C7orf57: variants seen among roughly 807,000 people sequenced by gnomAD.
The protein encoded by C7orf57 is chromosome 7 open reading frame 57.
C7orf57 carries 33 observed loss-of-function variants against 39.0 expected under a neutral mutation model. The ratio of observed to expected loss-of-function variants is 0.85; its 90% CI spans 0.64 to 1.13. The LOEUF is 1.13. C7orf57 is among the 50% of genes most tolerant of loss of function. The pLI, the probability that C7orf57 is intolerant of heterozygous loss-of-function variation, is 0.00. For synonymous variants in C7orf57, 124 were observed against 137.1 expected, an observed-to-expected ratio of 0.90 and a Z score of 0.67; for missense variants, 346 against 362.3, an observed-to-expected ratio of 0.95 and a Z score of 0.37.
chr7:48,036,216 CCTGGCAA>C lies in C7orf57; in HGVS notation c.-88_-82del. The C allele has an allele frequency of 2.9e-6, 4 of 1,395,200 alleles. No individual in the cohort carries two copies. The South Asian group carries it at 4.9e-5, about 17-fold the overall frequency. 86.4% of individuals were successfully genotyped at this position (1,395,200 alleles called of 1,614,324 possible). On this transcript the variant is annotated 5_prime_UTR_variant, in exon 2 of 9. Coordinates refer to ENST00000348904, the MANE Select transcript of C7orf57 (RefSeq NM_001100159.3). The stretch of plus-strand genomic sequence containing the variant: ...GGATTTTGCTTTTGCAGCTGCAGCT[CCTGGCAA>C]CTGGTCAAGCAGGCAGCGTCCAGCG...
intron 6 of C7orf57, among the ~76,000 whole-genome samples, chr7:48,051,832 T>TC (rs1790932549): frequency 1.7e-5 from 1 of 59,856 alleles, no homozygotes; most frequent in African/African-American, 7.9e-5. Context: ...TCTTTCTTTC[T>TC]TTCTTTCTTT....
chr7:48,051,768 TTC>T (rs1491100419), intron 6 of C7orf57, among the ~76,000 whole-genome samples: 7 of 82,580 alleles, frequency 8.5e-5, no homozygotes, highest in African/African-American at 1.9e-4. Flanking sequence ...CTTTCTTTCT[TTC>T]TTTCTTTCTT....
chr7:48,043,698 T>C (rs1790621932), intron 4 of C7orf57, 109 bp downstream of exon 4: 1 of 850,834 alleles, frequency 1.2e-6, no homozygotes. Context: ...GCATGTGATA[T>C]GACAACTTCA....
intron 8 of C7orf57, among the ~76,000 whole-genome samples, chr7:48,059,008 C>T (rs1442926851): frequency 6.6e-6 from 1 of 152,176 alleles, no homozygotes; most frequent in East Asian, 1.9e-4. Context: ...CCCCTAAGAG[C>T]TGGAAGAATC....
At chr7:48,044,195 T>C (rs1411477941) in intron 4 of C7orf57, among the ~76,000 whole-genome samples, 1 of 152,010 alleles carries the variant, frequency 6.6e-6, no homozygotes, top group Non-Finnish European at 1.5e-5. Flanking sequence ...CTCTGCCGGA[T>C]CCGGAGAGGT....
intron 6 of C7orf57, among the ~76,000 whole-genome samples, chr7:48,051,809 T>TCCTTTTCTC (rs1554299741): frequency 2.4e-5 from 2 of 83,732 alleles, no homozygotes; most frequent in African/African-American, 1.0e-4. Flanking sequence ...CTTCCTTCCT[T>TCCTTTTCTC]TTCTCTTCTC....
intron 4 of C7orf57, among the ~76,000 whole-genome samples, chr7:48,044,641 C>G (rs186750932): frequency 2.5e-3 from 387 of 152,284 alleles, no homozygotes; most frequent in Non-Finnish European, 4.1e-3. Context: ...GTAGGACTGA[C>G]CACATCCTCC....
intron 2 of C7orf57, among the ~76,000 whole-genome samples, chr7:48,038,702 A>C (rs1037993297): frequency 1.3e-5 from 2 of 152,230 alleles, no homozygotes; most frequent in Non-Finnish European, 2.9e-5. Context: ...CCTGTGACAC[A>C]GCCCCAGGAG....
In C7orf57 at chr7:48,035,613, G is replaced by T; in HGVS notation, c.-119G>T. 1.4e-6 allele frequency: 1 copy of T among 690,642 alleles called. No homozygotes were observed. The highest frequency in any genetic ancestry group is 1.5e-5 in the South Asian group (1 of 66,388). The allele number at this position is 690,642 out of a possible 1,614,324, so 42.8% of individuals were successfully genotyped here. On this transcript the variant is annotated 5_prime_UTR_variant, in exon 1 of 9. Transcript: ENST00000348904. The surrounding 1 kb of genome is among the most constrained non-coding windows in gnomAD (Gnocchi z 4.0). Reference sequence around the variant, plus strand: ...CCGGGCGCCGCGGGCAGCACCCACGGAGACCCGCGGGGAGCTGGTGAGCCT... The same window carrying T: ...CCGGGCGCCGCGGGCAGCACCCACGTAGACCCGCGGGGAGCTGGTGAGCCT...
At position 48,054,750 on chromosome 7, in the gene C7orf57, G is replaced by A. The variant is rs376843203; in HGVS notation, c.841+144G>A. On this transcript the variant is annotated intron_variant, in intron 8 of 8. Coordinates refer to ENST00000348904, the MANE Select transcript of C7orf57 (RefSeq NM_001100159.3). ...AAACTGCATGCATTCTGACTACAAA[G>A]CTTGTGCCATGTATGCTTTAAAAAA... is the stretch of plus-strand genomic sequence containing the variant. 6 of 642,904 alleles carry A rather than the reference G, an allele frequency of 9.3e-6. No individual in the cohort carries two copies. In the Admixed American group the frequency reaches 1.8e-4, roughly 19 times the overall value. 39.8% of individuals were successfully genotyped at this position (642,904 alleles called of 1,614,324 possible).
chr7:48,036,125 G>A (rs1341071846), intron 1 of C7orf57, 83 bp from the exon 2 acceptor site: 2 of 668,634 alleles, frequency 3.0e-6, no homozygotes, highest in East Asian at 5.4e-5. Flanking sequence ...GCCAGCGCTA[G>A]GCGATCGTAA....
At chr7:48,037,644 T>C (rs182059738) in intron 2 of C7orf57, among the ~76,000 whole-genome samples, 1 of 152,270 alleles carries the variant, frequency 6.6e-6, no homozygotes, top group East Asian at 1.9e-4. Context: ...GAAGGCTATA[T>C]ATATATATAA....
chr7:48,036,438 CCCAACGTCCTCT>C, intron 2 of C7orf57, 75 bp downstream of exon 2: 1 of 1,362,580 alleles, frequency 7.3e-7, no homozygotes, highest in Non-Finnish European at 9.9e-7. Flanking sequence ...ACGCTGTGGA[CCCAACGTCCTCT>C]ATGTGGGCTG....
intron 6 of C7orf57, among the ~76,000 whole-genome samples, chr7:48,051,845 TTCTTTCTTTCTTTCTTTCTTTCTTTC>T (rs1790939358): frequency 1.2e-5 from 1 of 81,094 alleles, no homozygotes; most frequent in African/African-American, 6.8e-5. Flanking sequence ...CTTTCTTTCT[TTCTTTCTTTCTTTCTTTCTTTCTTTC>T]TCTTTCTCTT....
intron 8 of C7orf57, among the ~76,000 whole-genome samples, chr7:48,055,125 C>T (rs951357280): frequency 1.3e-5 from 2 of 152,138 alleles, no homozygotes; most frequent in East Asian, 1.9e-4. Flanking sequence ...ATCCACCTGC[C>T]TCGGCCTCCG....
At position 48,055,022 on chromosome 7, in the gene C7orf57, G is replaced by A. The variant is rs1473212672; in HGVS notation, c.841+416G>A. Among the ~76,000 whole-genome samples, 3 of 151,780 alleles carry A rather than the reference G, an allele frequency of 2.0e-5. No homozygotes were observed. The East Asian group carries it at 5.8e-4, about 29-fold the overall frequency. On this transcript the variant is annotated intron_variant, in intron 8 of 8. Coordinates refer to ENST00000348904, the MANE Select transcript of C7orf57 (RefSeq NM_001100159.3). Reference sequence around the variant, plus strand: ...CTCCCGAGTAACTGGGACTACAGGCGCCCGCCACAACGCCCAGCTAATTTT... The same window carrying A: ...CTCCCGAGTAACTGGGACTACAGGCACCCGCCACAACGCCCAGCTAATTTT...
At chr7:48,051,092 T>C (rs1171956443) in intron 6 of C7orf57, among the ~76,000 whole-genome samples, 2 of 149,814 alleles carry the variant, frequency 1.3e-5, no homozygotes, top group Non-Finnish European at 3.0e-5. Context: ...TAAGCTAACA[T>C]CAAGAAATGA....
chr7:48,041,387 C>A lies in C7orf57; in HGVS notation c.109C>A (p.Pro37Thr), dbSNP rs778154007. The change falls in exon 3 of 9, where the codon CCA (proline) becomes ACA (threonine). Residue 37 changes from proline to threonine, a missense_variant. Transcript: ENST00000348904. ...KRSEKAVDAP[P>T]ASQIPGLSNL... is the part of the protein sequence containing the mutation. ...CTCTGAGAAGGCCGTGGATGCCCCA[C>A]CAGCGTCCCAGATCCCAGGTCTCAG... 6.2e-7 allele frequency: 1 copy of A among 1,613,900 alleles called. No individual in the cohort carries two copies. Among genetic ancestry groups the A allele is most frequent in the South Asian group, 1.1e-5 (1 of 91,068 alleles).
rs771243137 is a variant in C7orf57 at position 48,049,968 on chromosome 7, T to TC, written c.603dup (p.Val202ArgfsTer17). 2 of 1,608,258 alleles carry TC rather than the reference T, an allele frequency of 1.2e-6. No individual in the cohort carries two copies. The highest frequency in any genetic ancestry group is 1.7e-5 in the Admixed American group (1 of 59,960). ...AATCCTGCAGGAAGTAGACTCTCCT[T>TC]CCCCCCCGTGTAAGTGCTTGAGCTA... On this transcript the variant is annotated frameshift_variant, in exon 6 of 9. Coordinates refer to ENST00000348904, the MANE Select transcript of C7orf57 (RefSeq NM_001100159.3). LOFTEE classifies it high-confidence loss of function.
Sources: allele counts gnomAD v4.1 joint callset (sites outside exome capture counted in the v4.1 genomes callset), GRCh38; gene constraint gnomAD v4.1.1; non-coding constraint Gnocchi (gnomAD v3.1); transcripts MANE v1.5; gene names NCBI Gene and HGNC (gene_info 2026-07-23, HGNC 2026-07-21).